Variants in ABLIM2 observed in about 807,000 individuals in gnomAD.
The protein encoded by ABLIM2 is actin binding LIM protein family member 2, also known as actin-binding LIM protein 2.
Under a neutral mutation model 97.7 loss-of-function variants are expected in ABLIM2, and 53 were observed. That is an observed-to-expected ratio of 0.54 (90% CI 0.44 to 0.68). The LOEUF is 0.68. Ranked by LOEUF, ABLIM2 falls within the 30% of genes least tolerant of loss-of-function variation. ABLIM2 has a pLI of 0.00. For synonymous variants in ABLIM2, 361 were observed against 345.8 expected (o/e 1.04, Z -0.49); for missense variants, 835 against 867.2 (o/e 0.96, Z 0.47).
At chr4:8,076,856 GGGT>G (rs1315186352) in intron 6 of ABLIM2, among the ~76,000 whole-genome samples, 1 of 46,514 alleles carries the variant, frequency 2.1e-5, no homozygotes. Flanking sequence ...CAGGGTGGGG[GGGT>G]CTGTGAACCC....
chr4:8,129,424 A>C (rs951160374), intron 1 of ABLIM2, among the ~76,000 whole-genome samples: 16 of 152,220 alleles, frequency 1.1e-4, no homozygotes, highest in African/African-American at 3.6e-4. Context: ...TGCGAAACAG[A>C]GTTTTAGCTT....
At chr4:8,106,134 T>A (rs1195480799) in intron 2 of ABLIM2, among the ~76,000 whole-genome samples, 2 of 152,210 alleles carry the variant, frequency 1.3e-5, no homozygotes, top group Admixed American at 6.5e-5. Flanking sequence ...CCCCCACTAC[T>A]GAGTTCATGC....
At chr4:7,993,699 C>T (rs536478578) in intron 16 of ABLIM2, among the ~76,000 whole-genome samples, 1 of 152,090 alleles carries the variant, frequency 6.6e-6, no homozygotes, top group African/African-American at 2.4e-5. Context: ...TAAAAAAAAT[C>T]CTGAGTTGCT....
At chr4:7,969,153 T>G (rs1725482617) in intron 20 of ABLIM2, among the ~76,000 whole-genome samples, 1 of 148,894 alleles carries the variant, frequency 6.7e-6, no homozygotes, top group African/African-American at 2.5e-5. Context: ...TAAAATAAAA[T>G]AGTTAAAATG....
At position 8,097,127 on chromosome 4, in the gene ABLIM2, G is replaced by A; in HGVS notation, c.310C>T (p.Pro104Ser). ...VVSALGKTYHPDCFVCAVCRL... is the reference protein window; with the variant it reads ...VVSALGKTYHSDCFVCAVCRL... ...CAGACGGCACACACGAAGCAGTCGG[G>A]GTGGTAGGTCTTGCCCAGCGCCGAC... is the stretch of plus-strand genomic sequence containing the variant. Residue 104 changes from proline to serine, a missense_variant, in exon 3 of 21, where the codon CCC becomes TCC. Pro to Ser is a moderately conservative substitution (Grantham distance 74). Transcript: ENST00000447017. The A allele has an allele frequency of 1.9e-6, 3 of 1,611,446 alleles. No homozygotes were observed. The highest frequency in any genetic ancestry group is 1.7e-6 in the Non-Finnish European group (2 of 1,178,996).
chr4:8,062,104 G>A (rs1264744700), intron 6 of ABLIM2, among the ~76,000 whole-genome samples: 1 of 151,756 alleles, frequency 6.6e-6, no homozygotes, highest in East Asian at 1.9e-4. Context: ...CCCTCCACTG[G>A]AGCAGCCCTC....
rs1053753056 is a variant in ABLIM2, at chr4:8,003,803, G to A, written c.1618+4256C>T. On this transcript the variant is annotated intron_variant, in intron 16 of 20. Transcript: ENST00000447017. The surrounding 1 kb of genome is among the most constrained non-coding windows in gnomAD (Gnocchi z 4.2). ...TGGTCTCGAACTCCTGACCTCAGGT[G>A]ATCTGCCCGCCTCGGCCTCCCAAAG... is the stretch of plus-strand genomic sequence containing the variant. 1.3e-5 allele frequency among the ~76,000 whole-genome samples: 2 copies of A among 152,054 alleles called. No homozygotes were observed. Among genetic ancestry groups the A allele is most frequent in the African/African-American group, 4.8e-5 (2 of 41,404 alleles).
intron 9 of ABLIM2, among the ~76,000 whole-genome samples, chr4:8,040,108 G>T (rs1787353915): frequency 6.6e-6 from 1 of 152,198 alleles, no homozygotes; most frequent in Non-Finnish European, 1.5e-5. Flanking sequence ...CACGTGAATG[G>T]CAGGGGGAGC....
In ABLIM2 at chr4:7,976,085, T is replaced by G. The variant is rs561743249; in HGVS notation, c.1824+7179A>C. On this transcript the variant is annotated intron_variant, in intron 20 of 20. Coordinates refer to ENST00000447017, the MANE Select transcript of ABLIM2 (RefSeq NM_001130083.2). ...GCCCTACTCTTCTGGGAGGCAAGTT[T>G]GAGATTTGTTCTGCAGTCTCCTTGC... Among the ~76,000 whole-genome samples, 5 of 152,266 alleles carry G rather than the reference T, an allele frequency of 3.3e-5. No individual in the cohort carries two copies. In the South Asian group the frequency reaches 1.0e-3, roughly 32 times the overall value.
intron 2 of ABLIM2, among the ~76,000 whole-genome samples, chr4:8,104,011 C>T (rs555929269): frequency 3.9e-5 from 6 of 152,244 alleles, no homozygotes; most frequent in African/African-American, 1.2e-4. Flanking sequence ...CTAAATCCCA[C>T]GATGCCCTGG....
intron 1 of ABLIM2, among the ~76,000 whole-genome samples, chr4:8,108,682 G>A (rs963939695): frequency 6.6e-6 from 1 of 152,188 alleles, no homozygotes; most frequent in Non-Finnish European, 1.5e-5. Flanking sequence ...TCTGGGAGCC[G>A]CCTCCAGTCC....
At chr4:8,007,916 C>T (rs965344501) in intron 16 of ABLIM2, 143 bp downstream of exon 16, 9 of 1,467,616 alleles carry the variant, frequency 6.1e-6, no homozygotes, top group Middle Eastern at 2.5e-4. Flanking sequence ...TCCTTCCGGT[C>T]GGTCCTTAGA....
chr4:8,108,023 C>T (rs1190922107), intron 1 of ABLIM2, among the ~76,000 whole-genome samples: 1 of 152,216 alleles, frequency 6.6e-6, no homozygotes, highest in Non-Finnish European at 1.5e-5. Flanking sequence ...TCAGAAGAAA[C>T]CAGCCCTTCT....
intron 14 of ABLIM2, among the ~76,000 whole-genome samples, chr4:8,011,904 C>A (rs192698956): frequency 6.6e-6 from 1 of 152,276 alleles, no homozygotes; most frequent in Non-Finnish European, 1.5e-5. Context: ...CTTCCCAAAC[C>A]CCATCTTATA....
Position 8,120,918 on chromosome 4 carries a change from G to A in ABLIM2, c.11-14281C>T, listed in dbSNP as rs890114128. Among the ~76,000 whole-genome samples the A allele has an allele frequency of 3.3e-5, 5 of 152,216 alleles. No homozygotes were observed. Among genetic ancestry groups the A allele is most frequent in the Non-Finnish European group, 4.4e-5 (3 of 68,048 alleles). On this transcript the variant is annotated intron_variant, in intron 1 of 20. Coordinates refer to ENST00000447017, the MANE Select transcript of ABLIM2 (RefSeq NM_001130083.2). This position sits in a 1 kb window ranked among gnomAD's most constrained non-coding sequence, Gnocchi z 5.6. ...CCGTCTCACGTAAGAGTACTGTACC[G>A]CAGATTGCTAGCTCAGAGAAAGATC...
Position 7,992,279 on chromosome 4 carries a change from T to C in ABLIM2, c.1680+587A>G, listed in dbSNP as rs1306233123. ...GATTGTCTGGGCTCATATTCAGATG[T>C]CCCAAGCATCAGAAAACTCAGGGTA... On this transcript the variant is annotated intron_variant, in intron 17 of 20. Transcript: ENST00000447017. The surrounding 1 kb of genome is among the most constrained non-coding windows in gnomAD (Gnocchi z 5.7). Among the ~76,000 whole-genome samples, 2 of 152,148 alleles carry C rather than the reference T, an allele frequency of 1.3e-5. No homozygotes were observed. Among genetic ancestry groups the C allele is most frequent in the Non-Finnish European group, 2.9e-5 (2 of 68,018 alleles).
In ABLIM2 at chr4:8,071,520, A is replaced by C. The variant is rs1205923601; in HGVS notation, c.675+6108T>G. Among the ~76,000 whole-genome samples the C allele has an allele frequency of 5.9e-5, 9 of 152,312 alleles. No homozygotes were observed. Among genetic ancestry groups the C allele is most frequent in the Non-Finnish European group, 1.2e-4 (8 of 68,016 alleles). On this transcript the variant is annotated intron_variant, in intron 6 of 20. Transcript: ENST00000447017. The surrounding 1 kb of genome is among the most constrained non-coding windows in gnomAD (Gnocchi z 6.2). The stretch of plus-strand genomic sequence containing the variant: ...CACTTAGGATGGCACCATGCCCACC[A>C]CACGCAGACACAGCACAGGCGAGGG...
At chr4:7,967,848 T>C (rs1178248799) in intron 20 of ABLIM2, among the ~76,000 whole-genome samples, 4 of 152,228 alleles carry the variant, frequency 2.6e-5, no homozygotes, top group Non-Finnish European at 5.9e-5. Flanking sequence ...GGCGTGGACA[T>C]AGGTCAGCAC....
Position 8,124,061 on chromosome 4 carries a change from C to T in ABLIM2, c.11-17424G>A, listed in dbSNP as rs4696765. On this transcript the variant is annotated intron_variant, in intron 1 of 20. Transcript: ENST00000447017. The surrounding 1 kb of genome is among the most constrained non-coding windows in gnomAD (Gnocchi z 6.1). ...AGCTCAGCGGCTGCTCTACCATGTG[C>T]TTCTGTAGGCCACAAACAAAAACCA... Among the ~76,000 whole-genome samples the T allele has an allele frequency of 0.51, 77,877 of 151,974 alleles. 20,462 individuals carry two copies. Among genetic ancestry groups the T allele is most frequent in the African/African-American group, 0.59 (24,356 of 41,446 alleles).
Sources: gnomAD v4.1 joint callset for allele counts (sites outside exome capture counted in the v4.1 genomes callset) on GRCh38, gnomAD v4.1.1 for gene constraint, Gnocchi (gnomAD v3.1) non-coding constraint, MANE v1.5 for transcripts, NCBI Gene and HGNC (gene_info 2026-07-23, HGNC 2026-07-21) for gene names.